The following DTX4 variants were observed in gnomAD, a reference collection of about 807,000 sequenced individuals.
The protein encoded by DTX4 is E3 ubiquitin-protein ligase DTX4.
Under a neutral mutation model 57.6 loss-of-function variants are expected in DTX4, and 28 were observed. That is an observed-to-expected ratio of 0.49 (90% CI 0.36 to 0.67). The LOEUF (loss-of-function observed/expected upper bound fraction) is 0.67, where lower values mean the gene tolerates loss of function less well. Ranked by LOEUF, DTX4 falls within the 30% of genes least tolerant of loss-of-function variation. The pLI is 0.00. For missense variants in DTX4, 715 were observed against 836.8 expected (o/e 0.85, Z 1.80); for synonymous variants, 316 against 331.0 (o/e 0.95, Z 0.49).
intron 2 of DTX4, among the ~76,000 whole-genome samples, chr11:59,184,643 T>A (rs934855788): frequency 2.0e-4 from 30 of 152,370 alleles, no homozygotes; most frequent in African/African-American, 7.0e-4. Flanking sequence ...TGAATCTCGA[T>A]GAGGGAGTGG....
In DTX4 at chr11:59,182,180, G is replaced by T. The variant is rs778600523; in HGVS notation, c.653G>T (p.Arg218Leu). The change falls in exon 2 of 9, where the codon CGC becomes CTC. Residue 218 changes from arginine to leucine, a missense_variant. Arg to Leu is a moderately radical substitution (Grantham distance 102). Coordinates refer to ENST00000227451, the MANE Select transcript of DTX4 (RefSeq NM_015177.2). ...STGPLQLPVT[R>L]KNMPPPGVVK... ...GGGCCCCTACAGCTGCCAGTGACCC[G>T]CAAGAACATGCCGCCTCCTGGAGTG... 4.3e-6 allele frequency: 7 copies of T among 1,612,274 alleles called. No individual in the cohort carries two copies. The highest frequency in any genetic ancestry group is 5.9e-6 in the Non-Finnish European group (7 of 1,179,402).
chr11:59,193,363 G>T (rs558927121), intron 6 of DTX4, among the ~76,000 whole-genome samples: 1 of 152,190 alleles, frequency 6.6e-6, no homozygotes, highest in South Asian at 2.1e-4. Flanking sequence ...TCATCTTCAT[G>T]TAGCCTATTT....
intron 2 of DTX4, among the ~76,000 whole-genome samples, chr11:59,184,900 T>C (rs1354579327): frequency 6.6e-6 from 1 of 152,204 alleles, no homozygotes; most frequent in African/African-American, 2.4e-5. Flanking sequence ...CCTCCAGCCT[T>C]TCTTGGCCAT....
chr11:59,199,823 A>G (rs1183874263), intron 8 of DTX4, 50 bp downstream of exon 8: 49 of 1,482,752 alleles, frequency 3.3e-5, no homozygotes, highest in Non-Finnish European at 4.4e-5. Flanking sequence ...TAGATCGGGC[A>G]GTTTACTTCT....
chr11:59,202,340 G>T (rs1481926402), intron 8 of DTX4, among the ~76,000 whole-genome samples: 1 of 152,174 alleles, frequency 6.6e-6, no homozygotes, highest in Non-Finnish European at 1.5e-5. Context: ...TGTGGGAACT[G>T]GTTGGCTTCA....
chr11:59,188,807 C>T lies in DTX4; in HGVS notation c.997+11C>T. ...ACCCTGCCTTGGCAGGTAAGAGAAACCCCAGGATGCTCTGGGTTAAGGTAG... is the reference window on the plus strand; with the variant it reads ...ACCCTGCCTTGGCAGGTAAGAGAAATCCCAGGATGCTCTGGGTTAAGGTAG... On this transcript the variant is annotated intron_variant, in intron 3 of 8. Coordinates refer to ENST00000227451, the MANE Select transcript of DTX4 (RefSeq NM_015177.2). 6.2e-7 allele frequency: 1 copy of T among 1,611,460 alleles called. No homozygotes were observed. Among genetic ancestry groups the T allele is most frequent in the Non-Finnish European group, 8.5e-7 (1 of 1,177,744 alleles).
In DTX4 at chr11:59,206,315, A is replaced by G. The variant is rs1862807496; in HGVS notation, c.*1406A>G. On this transcript the variant is annotated 3_prime_UTR_variant, in exon 9 of 9. Transcript: ENST00000227451. ...GCATCTTGTTGTGTCCCAAGACCCT[A>G]TCTCCTCCCCAACATTCTTATTGCC... is the stretch of plus-strand genomic sequence containing the variant. 6.6e-6 allele frequency: 1 copy of G among 152,442 alleles called. No homozygotes were observed. Among genetic ancestry groups the G allele is most frequent in the African/African-American group, 2.4e-5 (1 of 41,368 alleles). The allele number at this position is 152,442 out of a possible 1,614,324, so 9.4% of individuals were successfully genotyped here. A position where few individuals can be genotyped will look rare whatever the true frequency, so the allele number is the denominator to read the frequency against.
Position 59,199,611 on chromosome 11 carries a change from G to C in DTX4, c.1537-73G>C, listed in dbSNP as rs969162407. ...ATTATTGTCATTATTATTGAAATTAGTCACAGCCTAACCCCGCTCTTATCA... is the reference window on the plus strand; with the variant it reads ...ATTATTGTCATTATTATTGAAATTACTCACAGCCTAACCCCGCTCTTATCA... On this transcript the variant is annotated intron_variant, in intron 7 of 8. Coordinates refer to ENST00000227451, the MANE Select transcript of DTX4 (RefSeq NM_015177.2). 3 of 1,168,204 alleles carry C rather than the reference G, an allele frequency of 2.6e-6. No individual in the cohort carries two copies. In the African/African-American group the frequency reaches 4.6e-5, roughly 18 times the overall value. 72.4% of individuals were successfully genotyped at this position (1,168,204 alleles called of 1,614,324 possible).
intron 6 of DTX4, among the ~76,000 whole-genome samples, chr11:59,194,725 A>G (rs1448776260): frequency 3.3e-5 from 5 of 152,240 alleles, no homozygotes; most frequent in African/African-American, 1.2e-4. Context: ...TGATTTTCAC[A>G]TTCACAGCCT....
chr11:59,199,654 G>A, intron 7 of DTX4, 30 bp from the exon 8 acceptor site: 1 of 1,527,478 alleles, frequency 6.5e-7, no homozygotes, highest in African/African-American at 1.4e-5. Flanking sequence ...TTTGAAAAAT[G>A]CCATTTGCTT....
At chr11:59,186,695 C>T (rs528725914) in intron 2 of DTX4, among the ~76,000 whole-genome samples, 1 of 152,164 alleles carries the variant, frequency 6.6e-6, no homozygotes, top group East Asian at 1.9e-4. Context: ...ACTACCTTAG[C>T]GAGAAACTCC....
At position 59,208,182 on chromosome 11, in the gene DTX4, C is replaced by G. The variant is rs1385521882; in HGVS notation, c.*3273C>G. The stretch of plus-strand genomic sequence containing the variant: ...CAAATGAACAACCACAAAATTGTTA[C>G]TCTTGTTGGCCTTCTGCTGTTTGTA... On this transcript the variant is annotated 3_prime_UTR_variant, in exon 9 of 9. Coordinates refer to ENST00000227451, the MANE Select transcript of DTX4 (RefSeq NM_015177.2). The G allele has an allele frequency of 1.3e-5, 2 of 152,642 alleles. No individual in the cohort carries two copies. The highest frequency in any genetic ancestry group is 2.4e-5 in the African/African-American group (1 of 41,436). 9.5% of individuals were successfully genotyped at this position (152,642 alleles called of 1,614,324 possible).
In DTX4 at chr11:59,181,895, G is replaced by A. The variant is rs768559763; in HGVS notation, c.368G>A (p.Trp123Ter). The change falls in exon 2 of 9, where the codon TGG (tryptophan) becomes TAG (stop). Residue 123 changes from tryptophan to a stop codon, truncating the protein, a stop_gained. Transcript: ENST00000227451. LOFTEE classifies it high-confidence loss of function. ...CATGCCTATGAGAAGCAGCACCCCTGGATCGACCTCACTTCCATTGGCTTT... is the reference window on the plus strand; with the variant it reads ...CATGCCTATGAGAAGCAGCACCCCTAGATCGACCTCACTTCCATTGGCTTT... The part of the protein sequence containing the change: ...IQHAYEKQHP[W>*]IDLTSIGFSY... The A allele has an allele frequency of 1.6e-5, 26 of 1,613,814 alleles. No individual in the cohort carries two copies. Among genetic ancestry groups the A allele is most frequent in the Non-Finnish European group, 2.2e-5 (26 of 1,179,878 alleles).
chr11:59,195,426 GTGTT>G, intron 7 of DTX4, 57 bp downstream of exon 7: 1 of 1,519,390 alleles, frequency 6.6e-7, no homozygotes, highest in South Asian at 1.3e-5. Context: ...ATTGTTCTAT[GTGTT>G]TGTAGGTAAA....
At chr11:59,192,722 T>C (rs1162750420) in intron 6 of DTX4, among the ~76,000 whole-genome samples, 2 of 152,220 alleles carry the variant, frequency 1.3e-5, no homozygotes, top group Non-Finnish European at 2.9e-5. Context: ...TTTGGACAAT[T>C]TCAAAACACC....
chr11:59,189,516 C>G (rs879871675), intron 4 of DTX4, among the ~76,000 whole-genome samples, 193 bp downstream of exon 4: 2 of 152,080 alleles, frequency 1.3e-5, no homozygotes, highest in Non-Finnish European at 2.9e-5. Context: ...ATGGAAACAC[C>G]TTGAGAAATA....
At chr11:59,173,472 A>G (rs1211896323) in intron 1 of DTX4, among the ~76,000 whole-genome samples, 1 of 152,098 alleles carries the variant, frequency 6.6e-6, no homozygotes, top group Non-Finnish European at 1.5e-5. Flanking sequence ...TACACACTAC[A>G]TGCGCGGAAG....
At chr11:59,197,927 A>C (rs1862695009) in intron 7 of DTX4, among the ~76,000 whole-genome samples, 1 of 152,208 alleles carries the variant, frequency 6.6e-6, no homozygotes, top group South Asian at 2.1e-4. Context: ...TAGGGGATAC[A>C]GGTGGTGCAT....
Position 59,172,770 on chromosome 11 carries a change from G to C in DTX4, c.175G>C (p.Asp59His). 6.3e-7 allele frequency: 1 copy of C among 1,597,348 alleles called. No individual in the cohort carries two copies. The highest frequency in any genetic ancestry group is 8.5e-7 in the Non-Finnish European group (1 of 1,173,322). Reference sequence around the variant, plus strand: ...CAGCCGTCTCGCGCCCTACATCATCGACCTGCAGTCCATGAACCAGTTCCG... The same window carrying C: ...CAGCCGTCTCGCGCCCTACATCATCCACCTGCAGTCCATGAACCAGTTCCG... ...VDSRLAPYIIDLQSMNQFRQD... is the reference protein window; with the variant it reads ...VDSRLAPYIIHLQSMNQFRQD... Residue 59 changes from aspartate (D) to histidine (H), a missense_variant, in exon 1 of 9, where the codon GAC becomes CAC. By Grantham distance (81) the Asp-to-His change is moderately conservative (BLOSUM62 -1). Transcript: ENST00000227451.
Sources: allele counts gnomAD v4.1 joint callset (sites outside exome capture counted in the v4.1 genomes callset), GRCh38; gene constraint gnomAD v4.1.1; transcripts MANE v1.5; gene names NCBI Gene and HGNC (gene_info 2026-07-23, HGNC 2026-07-21).